HDX: variants seen among roughly 807,000 people sequenced by gnomAD.
The protein encoded by HDX is highly divergent homeobox, also known as chromosome X open reading frame 43.
In HDX, 19 loss-of-function variants were observed where a neutral mutation model predicts 45.2. That is an observed-to-expected ratio of 0.42 (90% confidence interval 0.29 to 0.62). HDX has a LOEUF of 0.62. HDX is among the 20% of genes least tolerant of loss of function. The probability of loss-of-function intolerance (pLI) is 0.20; values close to 1 mark genes in which losing one functional copy is unlikely to be tolerated. For synonymous variants in HDX, 188 were observed against 172.8 expected (o/e 1.09, Z -0.69); for missense variants, 532 against 493.9 (o/e 1.08, Z -0.73).
intron 5 of HDX, among the ~76,000 whole-genome samples, chrX:84,388,196 A>G (rs911979491): frequency 7.2e-5 from 8 of 110,973 alleles, no homozygotes; most frequent in Non-Finnish European, 1.5e-4. Context: ...TTCCTTCTAT[A>G]TGTGACTTGA....
intron 1 of HDX, among the ~76,000 whole-genome samples, chrX:84,493,881 G>A (rs1401075662): frequency 9.0e-6 from 1 of 111,161 alleles, no homozygotes; most frequent in African/African-American, 3.3e-5. Flanking sequence ...GTAACACAAA[G>A]GATAAACGCT....
chrX:84,445,023 C>A (rs2039842656), intron 4 of HDX, among the ~76,000 whole-genome samples: 1 of 111,537 alleles, frequency 9.0e-6, no homozygotes, highest in Admixed American at 9.5e-5. Context: ...AGCAAAATAC[C>A]AAGTTTTAAA....
chrX:84,423,584 A>C (rs899575370), intron 5 of HDX, among the ~76,000 whole-genome samples: 6 of 110,942 alleles, frequency 5.4e-5, no homozygotes, highest in Non-Finnish European at 1.1e-4. Flanking sequence ...AGCAAACTAA[A>C]TTCAATAATA....
chrX:84,395,395 T>A (rs1245202187), intron 5 of HDX, among the ~76,000 whole-genome samples: 1 of 110,030 alleles, frequency 9.1e-6, no homozygotes, highest in East Asian at 2.9e-4. Context: ...AATTATATCA[T>A]CCCATTCTCT....
At chrX:84,425,663 G>T (rs2039367598) in intron 5 of HDX, among the ~76,000 whole-genome samples, 1 of 111,571 alleles carries the variant, frequency 9.0e-6, no homozygotes, top group African/African-American at 3.3e-5. Flanking sequence ...CAACAACATG[G>T]ATGGAACTGG....
chrX:84,481,825 C>T (rs1402272738), intron 2 of HDX, among the ~76,000 whole-genome samples: 1 of 111,336 alleles, frequency 9.0e-6, no homozygotes, highest in Non-Finnish European at 1.9e-5. Flanking sequence ...AAACAGTGAA[C>T]ATAGTACCCA....
At chrX:84,373,232 G>A (rs903269028) in intron 5 of HDX, among the ~76,000 whole-genome samples, 3 of 111,394 alleles carry the variant, frequency 2.7e-5, no homozygotes, top group Admixed American at 9.6e-5. Flanking sequence ...TTGACGAGGA[G>A]CACTTTTGAT....
chrX:84,446,114 A>G (rs1240171570), intron 4 of HDX, among the ~76,000 whole-genome samples: 2 of 111,869 alleles, frequency 1.8e-5, no homozygotes, highest in Admixed American at 9.5e-5. Flanking sequence ...AGATAAAAAT[A>G]AAATAATGTA....
At chrX:84,412,321 C>T (rs181146820) in intron 5 of HDX, among the ~76,000 whole-genome samples, 118 of 110,823 alleles carry the variant, frequency 1.1e-3, no homozygotes, top group Non-Finnish European at 1.9e-3. Context: ...ATGTTTAGCT[C>T]TCCCTTAAGG....
At chrX:84,432,520 G>T (rs1232417405) in intron 5 of HDX, among the ~76,000 whole-genome samples, 1 of 111,136 alleles carries the variant, frequency 9.0e-6, no homozygotes, top group Non-Finnish European at 1.9e-5. Flanking sequence ...GCTGTGTTTT[G>T]TAATTCTCAT....
chrX:84,341,082 C>T (rs1002401066), intron 7 of HDX, among the ~76,000 whole-genome samples: 2 of 110,535 alleles, frequency 1.8e-5, no homozygotes, highest in African/African-American at 6.6e-5. Context: ...CGAAACTTCA[C>T]TTAGGGTCTT....
At chrX:84,418,641 CA>C (rs57873517) in intron 5 of HDX, among the ~76,000 whole-genome samples, 1 of 109,598 alleles carries the variant, frequency 9.1e-6, no homozygotes, top group African/African-American at 3.3e-5. Context: ...GGTTCAAAAA[CA>C]AAAAAAATAG....
At chrX:84,414,275 A>G (rs929327989) in intron 5 of HDX, among the ~76,000 whole-genome samples, 1 of 111,229 alleles carries the variant, frequency 9.0e-6, no homozygotes, top group Non-Finnish European at 1.9e-5. Context: ...TAGAATACAG[A>G]CATTTTCACA....
chrX:84,499,298 C>T (rs1034845795), intron 1 of HDX, among the ~76,000 whole-genome samples: 1 of 111,487 alleles, frequency 9.0e-6, no homozygotes, highest in African/African-American at 3.3e-5. Context: ...CCAATGTCAT[C>T]CTCCCAGATA....
chrX:84,414,318 G>A (rs1376916742), intron 5 of HDX, among the ~76,000 whole-genome samples: 1 of 111,389 alleles, frequency 9.0e-6, no homozygotes, highest in African/African-American at 3.3e-5. Context: ...GCGCATTCCA[G>A]TGATTCCTAT....
intron 5 of HDX, among the ~76,000 whole-genome samples, chrX:84,439,650 C>A (rs749170471): frequency 9.0e-6 from 1 of 111,159 alleles, no homozygotes; most frequent in African/African-American, 3.3e-5. Context: ...ATTTATCGAA[C>A]AAGGAGTCCT....
chrX:84,486,447 TG>T (rs950544990), intron 2 of HDX, among the ~76,000 whole-genome samples: 13 of 111,727 alleles, frequency 1.2e-4, no homozygotes, highest in Non-Finnish European at 2.4e-4. Context: ...CCATTTAATT[TG>T]GTCTTTTTTT....
At chrX:84,365,380 T>G (rs1047686656) in intron 5 of HDX, among the ~76,000 whole-genome samples, 2 of 111,041 alleles carry the variant, frequency 1.8e-5, no homozygotes, top group African/African-American at 6.6e-5. Flanking sequence ...ATAGATGAGA[T>G]CAACAGTAGT....
At chrX:84,409,616 C>T (rs1321103074) in intron 5 of HDX, among the ~76,000 whole-genome samples, 2 of 102,444 alleles carry the variant, frequency 2.0e-5, no homozygotes, top group Non-Finnish European at 4.0e-5. Context: ...AGCAAACTAT[C>T]GCAAGGACAA....
Sources: allele counts gnomAD v4.1 joint callset (sites outside exome capture counted in the v4.1 genomes callset), GRCh38; gene constraint gnomAD v4.1.1; transcripts MANE v1.5; gene names NCBI Gene and HGNC (gene_info 2026-07-23, HGNC 2026-07-21).